The following ADAMTS16 variants were observed in gnomAD, a reference collection of about 807,000 sequenced individuals.
The protein encoded by ADAMTS16 is A disintegrin and metalloproteinase with thrombospondin motifs 16.
In ADAMTS16, 94 loss-of-function variants were observed where a neutral mutation model predicts 145.8. The ratio of observed to expected loss-of-function variants is 0.64; its 90% CI spans 0.55 to 0.77. ADAMTS16 has a LOEUF of 0.77. ADAMTS16 is among the 30% of genes least tolerant of loss of function. The pLI is 0.00. For synonymous variants in ADAMTS16, 659 were observed against 604.3 expected (o/e 1.09, Z -1.33); for missense variants, 1,585 against 1,591.5 (o/e 1.00, Z 0.07).
intron 18 of ADAMTS16, among the ~76,000 whole-genome samples, chr5:5,277,552 G>A (rs1236868122): frequency 6.6e-6 from 1 of 152,212 alleles, no homozygotes; most frequent in Non-Finnish European, 1.5e-5. Flanking sequence ...AAGAATCCAT[G>A]CAAGAATTCC....
intron 20 of ADAMTS16, among the ~76,000 whole-genome samples, chr5:5,305,306 AT>A (rs2126518546): frequency 2.6e-5 from 1 of 37,920 alleles, no homozygotes; most frequent in Non-Finnish European, 5.2e-5. Flanking sequence ...ACACACACAC[AT>A]CCCACACCAC....
chr5:5,210,861 G>A (rs890371704), intron 10 of ADAMTS16, among the ~76,000 whole-genome samples: 1 of 152,136 alleles, frequency 6.6e-6, no homozygotes, highest in Non-Finnish European at 1.5e-5. Flanking sequence ...TATTAATGTG[G>A]TGAATTATTT....
At chr5:5,153,921 T>G (rs1734536232) in intron 3 of ADAMTS16, among the ~76,000 whole-genome samples, 1 of 152,214 alleles carries the variant, frequency 6.6e-6, no homozygotes, top group Non-Finnish European at 1.5e-5. Context: ...TTCTCAGTTC[T>G]GTCTATACTC....
intron 10 of ADAMTS16, among the ~76,000 whole-genome samples, chr5:5,220,128 T>C (rs1175778129): frequency 6.6e-6 from 1 of 151,396 alleles, no homozygotes; most frequent in Non-Finnish European, 1.5e-5. Flanking sequence ...TACCAGATAA[T>C]GATAAGGAAC....
Position 5,235,098 on chromosome 5 carries a change from T to G in ADAMTS16, c.1935T>G (p.Val645=). ...CNSQKCPRDS[V]DFRAAQCAEH... ...GTCAGAAATGTCCCCGGGACAGTGTTGACTTCCGTGCTGCTCAGTGTGCCG... is the reference window on the plus strand; with the variant it reads ...GTCAGAAATGTCCCCGGGACAGTGTGGACTTCCGTGCTGCTCAGTGTGCCG... The change falls in exon 13 of 23, where the codon GTT becomes GTG. Residue 645 remains valine, a synonymous_variant. Transcript: ENST00000274181. 1 of 1,608,122 alleles carries G rather than the reference T, an allele frequency of 6.2e-7. No individual in the cohort carries two copies. The highest frequency in any genetic ancestry group is 1.1e-5 in the South Asian group (1 of 90,866).
At chr5:5,160,718 C>T (rs533622871) in intron 3 of ADAMTS16, among the ~76,000 whole-genome samples, 1 of 150,430 alleles carries the variant, frequency 6.6e-6, no homozygotes, top group East Asian at 2.0e-4. Flanking sequence ...GAAAGTGCAC[C>T]TGATCTTGTC....
intron 8 of ADAMTS16, among the ~76,000 whole-genome samples, chr5:5,198,454 G>T (rs16875033): frequency 6.6e-6 from 1 of 151,880 alleles, no homozygotes; most frequent in Non-Finnish European, 1.5e-5. Context: ...CTTGGATACC[G>T]CCTTCAATCA....
chr5:5,192,870 A>G (rs1023378382), intron 8 of ADAMTS16, among the ~76,000 whole-genome samples: 1 of 152,246 alleles, frequency 6.6e-6, no homozygotes, highest in Non-Finnish European at 1.5e-5. Context: ...TTTCCTGCCC[A>G]AGCAGCTGGG....
intron 12 of ADAMTS16, among the ~76,000 whole-genome samples, chr5:5,233,326 T>C (rs761154561): frequency 6.6e-6 from 1 of 152,186 alleles, no homozygotes; most frequent in Non-Finnish European, 1.5e-5. Flanking sequence ...GAGGCTTTAA[T>C]TTTTAATTTT....
chr5:5,277,890 G>A (rs1429032754), intron 18 of ADAMTS16, among the ~76,000 whole-genome samples: 1 of 152,098 alleles, frequency 6.6e-6, no homozygotes, highest in African/African-American at 2.4e-5. Flanking sequence ...GCTGAGGCAG[G>A]AGGATTGTTT....
chr5:5,289,544 G>A (rs1739223129), intron 18 of ADAMTS16, among the ~76,000 whole-genome samples: 1 of 152,318 alleles, frequency 6.6e-6, no homozygotes, highest in South Asian at 2.1e-4. Context: ...ACTCCAACAG[G>A]TCTATCTTGT....
intron 18 of ADAMTS16, among the ~76,000 whole-genome samples, chr5:5,276,400 T>C (rs1177481101): frequency 6.6e-6 from 1 of 152,206 alleles, no homozygotes; most frequent in Non-Finnish European, 1.5e-5. Context: ...TGATTTAAAA[T>C]AGATAAGACA....
chr5:5,236,850 T>C, intron 13 of ADAMTS16, 119 bp from the exon 14 acceptor site: 3 of 1,271,836 alleles, frequency 2.4e-6, no homozygotes, highest in Non-Finnish European at 3.2e-6. Flanking sequence ...TTGTAATGTA[T>C]TATTGTGTGG....
In ADAMTS16 at chr5:5,319,634, G is replaced by C. The variant is rs1221616821; in HGVS notation, c.*496G>C. The stretch of plus-strand genomic sequence containing the variant: ...TGACCAACTTCCTGGGTGGAGGTCA[G>C]GGGAGCTCCAGGAGGCTGCCCAGGC... On this transcript the variant is annotated 3_prime_UTR_variant, in exon 23 of 23. Transcript: ENST00000274181. 3 of 343,890 alleles carry C rather than the reference G, an allele frequency of 8.7e-6. No homozygotes were observed. The highest frequency in any genetic ancestry group is 2.2e-5 in the African/African-American group (1 of 45,752). 21.3% of individuals were successfully genotyped at this position (343,890 alleles called of 1,614,324 possible).
chr5:5,223,244 C>A, intron 11 of ADAMTS16: 1 of 196,396 alleles, frequency 5.1e-6, no homozygotes, highest in Non-Finnish European at 1.0e-5. Context: ...GGTTTGAAGA[C>A]CCTGGAGCAC....
At chr5:5,236,847 G>A (rs1737124226) in intron 13 of ADAMTS16, 122 bp from the exon 14 acceptor site, 2 of 1,252,972 alleles carry the variant, frequency 1.6e-6, no homozygotes, top group African/African-American at 3.0e-5. Flanking sequence ...CCATTGTAAT[G>A]TATTATTGTG....
chr5:5,165,839 T>C (rs1079295), intron 3 of ADAMTS16, among the ~76,000 whole-genome samples: 92,458 of 151,948 alleles, frequency 0.61, 28,703 homozygotes, highest in Middle Eastern at 0.78. Flanking sequence ...CAACCCCTCA[T>C]GACCCATGGG....
At chr5:5,313,841 T>C (rs757271131) in intron 21 of ADAMTS16, among the ~76,000 whole-genome samples, 5 of 152,240 alleles carry the variant, frequency 3.3e-5, no homozygotes, top group Non-Finnish European at 5.9e-5. Context: ...GGGTGAACGC[T>C]GCGCAGTCCA....
chr5:5,225,997 C>A lies in ADAMTS16; in HGVS notation c.1701+3113C>A, dbSNP rs186378516. Among the ~76,000 whole-genome samples, 609 of 152,172 alleles carry A rather than the reference C, an allele frequency of 4.0e-3. 2 individuals are homozygous for A. Among genetic ancestry groups the A allele is most frequent in the African/African-American group, 0.011 (455 of 41,522 alleles). On this transcript the variant is annotated intron_variant, in intron 11 of 22. Coordinates refer to ENST00000274181, the MANE Select transcript of ADAMTS16 (RefSeq NM_139056.4). ...TAAAGATTTGGGGGCCCACAAAGAA[C>A]TTCCTTGTGAGTAATTTGTGAGGGA...
Sources: gnomAD v4.1 joint callset for allele counts (sites outside exome capture counted in the v4.1 genomes callset) on GRCh38, gnomAD v4.1.1 for gene constraint, MANE v1.5 for transcripts, NCBI Gene and HGNC (gene_info 2026-07-23, HGNC 2026-07-21) for gene names.